The following RIMS2 variants were observed in gnomAD, a reference collection of about 807,000 sequenced individuals.
RIMS2 encodes regulating synaptic membrane exocytosis protein 2.
RIMS2 carries 59 observed loss-of-function variants against 174.4 expected under a neutral mutation model. That is an observed-to-expected ratio of 0.34 (90% CI 0.27 to 0.42). RIMS2 has a LOEUF of 0.42. Ranked by LOEUF, RIMS2 falls within the 10% of genes least tolerant of loss-of-function variation. The pLI, the probability that RIMS2 is intolerant of heterozygous loss-of-function variation, is 1.00. For synonymous variants in RIMS2, 606 were observed against 572.5 expected, an observed-to-expected ratio of 1.06 and a Z score of -0.84; for missense variants, 1,620 against 1,666.3, an observed-to-expected ratio of 0.97 and a Z score of 0.48.
chr8:103,581,674 G>T (rs866559437), intron 1 of RIMS2, among the ~76,000 whole-genome samples: 32 of 152,330 alleles, frequency 2.1e-4, no homozygotes, highest in Middle Eastern at 6.8e-3. Context: ...TAGAAAGGAA[G>T]AAGTCACATT....
intron 7 of RIMS2, 43 bp downstream of exon 10, chr8:103,915,637 T>A: frequency 1.0e-6 from 1 of 970,030 alleles, no homozygotes; most frequent in Non-Finnish European, 1.6e-6. Context: ...ACCATTCAAC[T>A]TTAGTAGTTA....
chr8:103,811,355 T>C (rs2098686651), intron 3 of RIMS2, among the ~76,000 whole-genome samples: 1 of 152,192 alleles, frequency 6.6e-6, no homozygotes, highest in Non-Finnish European at 1.5e-5. Flanking sequence ...TTGTGGAGCT[T>C]AAATCTAGGT....
intron 19 of RIMS2, among the ~76,000 whole-genome samples, chr8:104,239,295 A>G (rs1196358575): frequency 1.6e-4 from 25 of 152,272 alleles, no homozygotes; most frequent in Non-Finnish European, 1.5e-5. Context: ...GTGCCAGGTA[A>G]ATGAGTCATT....
chr8:104,043,168 C>G (rs1307802460), intron 19 of RIMS2, among the ~76,000 whole-genome samples: 1 of 150,156 alleles, frequency 6.7e-6, no homozygotes, highest in Non-Finnish European at 1.5e-5. Context: ...TAGGTAGAAA[C>G]CAAATAGAAG....
intron 19 of RIMS2, among the ~76,000 whole-genome samples, chr8:104,092,540 C>T (rs79732496): frequency 1.3e-5 from 2 of 151,842 alleles, no homozygotes; most frequent in African/African-American, 4.8e-5. Flanking sequence ...CATTTACTTA[C>T]ATTATGCCAG....
chr8:103,910,491 A>G (rs1179550679), intron 5 of RIMS2: 1 of 1,597,404 alleles, frequency 6.3e-7, no homozygotes, highest in Non-Finnish European at 8.5e-7. Context: ...TACGTGTAGT[A>G]GCACAACCCT....
chr8:103,561,742 T>C (rs140193887), intron 1 of RIMS2, among the ~76,000 whole-genome samples: 2 of 152,326 alleles, frequency 1.3e-5, no homozygotes, highest in East Asian at 3.9e-4. Flanking sequence ...GCAGGTATTT[T>C]TTCCCCTGCC....
At chr8:104,175,944 A>G (rs1008351439) in intron 19 of RIMS2, among the ~76,000 whole-genome samples, 4 of 152,098 alleles carry the variant, frequency 2.6e-5, no homozygotes, top group Non-Finnish European at 5.9e-5. Flanking sequence ...AATTCTCTTC[A>G]TGTTAGGACA....
intron 3 of RIMS2, among the ~76,000 whole-genome samples, chr8:103,841,732 C>T (rs1392409700): frequency 2.0e-5 from 3 of 151,972 alleles, no homozygotes; most frequent in African/African-American, 7.3e-5. Flanking sequence ...TTGAGGATTG[C>T]CATTAAGAAA....
chr8:103,853,189 AT>A (rs887584584), intron 3 of RIMS2, among the ~76,000 whole-genome samples: 2 of 151,556 alleles, frequency 1.3e-5, no homozygotes, highest in African/African-American at 4.8e-5. Flanking sequence ...GATGCTGAGC[AT>A]TTTTTTTGTA....
chr8:104,003,352 T>C (rs1030148335), intron 17 of RIMS2, among the ~76,000 whole-genome samples: 1 of 151,980 alleles, frequency 6.6e-6, no homozygotes, highest in African/African-American at 2.4e-5. Context: ...GTAACATTAT[T>C]GGCAAGGCAG....
chr8:103,961,052 GT>G lies in RIMS2; in HGVS notation c.2702-10del, dbSNP rs1390151009. The G allele has an allele frequency of 7.4e-7, 1 of 1,358,164 alleles. No homozygotes were observed. Among genetic ancestry groups the G allele is most frequent in the Non-Finnish European group, 1.1e-6 (1 of 949,990 alleles). 84.1% of individuals were successfully genotyped at this position (1,358,164 alleles called of 1,614,324 possible). ...ATCAGAATTTTTAATTATTGCTATTGTTTACTTTATAGGGTCAAAGAGAATA... is the reference window on the plus strand; with the variant it reads ...ATCAGAATTTTTAATTATTGCTATTGTTACTTTATAGGGTCAAAGAGAATA... On this transcript the variant is annotated splice_polypyrimidine_tract_variant and intron_variant, in intron 14 of 23. Transcript: ENST00000504942.
At chr8:104,047,901 A>G (rs368795736) in intron 19 of RIMS2, among the ~76,000 whole-genome samples, 21 of 152,242 alleles carry the variant, frequency 1.4e-4, no homozygotes, top group African/African-American at 5.1e-4. Context: ...GGTACGAATT[A>G]TTATTCAGGT....
chr8:103,864,287 T>C (rs914585577), intron 3 of RIMS2, among the ~76,000 whole-genome samples: 2 of 152,180 alleles, frequency 1.3e-5, no homozygotes, highest in African/African-American at 4.8e-5. Flanking sequence ...TTGAGATCTT[T>C]CTATCTTTTT....
intron 3 of RIMS2, among the ~76,000 whole-genome samples, chr8:103,789,351 C>G (rs2098474868): frequency 6.6e-6 from 1 of 152,110 alleles, no homozygotes; most frequent in Non-Finnish European, 1.5e-5. Flanking sequence ...TGGGATCTCT[C>G]TGACTTCTGT....
At chr8:104,113,295 G>C (rs1451153277) in intron 19 of RIMS2, among the ~76,000 whole-genome samples, 3 of 152,026 alleles carry the variant, frequency 2.0e-5, no homozygotes, top group Non-Finnish European at 4.4e-5. Flanking sequence ...ATGCTCTAAC[G>C]CTATACGATA....
At chr8:104,028,569 A>G (rs1173233343) in intron 19 of RIMS2, among the ~76,000 whole-genome samples, 1 of 152,202 alleles carries the variant, frequency 6.6e-6, no homozygotes, top group Non-Finnish European at 1.5e-5. Flanking sequence ...AAAGCTTAAT[A>G]GTAGCCACAT....
rs1252512343 is a variant in RIMS2 at position 104,065,827 on chromosome 8, GTT to G, written c.3334+51214_3334+51215del. Among the ~76,000 whole-genome samples, 10 of 152,220 alleles carry G rather than the reference GTT, an allele frequency of 6.6e-5. 1 individual carries two copies. In the East Asian group the frequency reaches 1.9e-3, roughly 29 times the overall value. On this transcript the variant is annotated intron_variant, in intron 19 of 23. Coordinates refer to ENST00000504942, the Ensembl canonical transcript of RIMS2. ...GATTGGGTCTGGAGATGAGAGATTTGTTTGAGATTGTAATTTAATTGATGACA... is the reference window on the plus strand; with the variant it reads ...GATTGGGTCTGGAGATGAGAGATTTGTGAGATTGTAATTTAATTGATGACA...
chr8:103,850,814 A>T (rs2098993841), intron 3 of RIMS2, among the ~76,000 whole-genome samples: 1 of 152,106 alleles, frequency 6.6e-6, no homozygotes, highest in Non-Finnish European at 1.5e-5. Flanking sequence ...GATCTTCTTT[A>T]TCTGAAAGTA....
Sources: allele counts gnomAD v4.1 joint callset (sites outside exome capture counted in the v4.1 genomes callset), GRCh38; gene constraint gnomAD v4.1.1; transcripts MANE v1.5; gene names NCBI Gene and HGNC (gene_info 2026-07-23, HGNC 2026-07-21).